KCNB2: variants seen among roughly 807,000 people sequenced by gnomAD.
The protein encoded by KCNB2 is delayed rectifier potassium channel protein.
Under a neutral mutation model 61.5 loss-of-function variants are expected in KCNB2, and 15 were observed. The observed-to-expected ratio is 0.24, with a 90% CI of 0.16 to 0.38. The LOEUF is 0.38. KCNB2 is among the 10% of genes least tolerant of loss of function. KCNB2 has a pLI of 1.00. For synonymous variants in KCNB2, 457 were observed against 446.0 expected, an observed-to-expected ratio of 1.02 and a Z score of -0.31; for missense variants, 828 against 1,125.2, an observed-to-expected ratio of 0.74 and a Z score of 3.78.
intron 2 of KCNB2, among the ~76,000 whole-genome samples, chr8:72,857,387 T>C (rs140265384): frequency 6.6e-6 from 1 of 152,256 alleles, no homozygotes; most frequent in East Asian, 1.9e-4. Flanking sequence ...TAAGATTGCA[T>C]ATAGTTATCT....
chr8:72,643,537 T>C (rs1234694377), intron 2 of KCNB2, among the ~76,000 whole-genome samples: 2 of 152,060 alleles, frequency 1.3e-5, no homozygotes, highest in African/African-American at 2.4e-5. Flanking sequence ...TGGTGTGGAG[T>C]GTGGCCCAGT....
intron 2 of KCNB2, among the ~76,000 whole-genome samples, chr8:72,798,341 A>T (rs571612019): frequency 6.6e-6 from 1 of 152,322 alleles, no homozygotes; most frequent in South Asian, 2.1e-4. Flanking sequence ...TGACACAAGC[A>T]TGAATGCCCT....
At chr8:72,915,000 G>T (rs1806365930) in intron 2 of KCNB2, among the ~76,000 whole-genome samples, 1 of 151,468 alleles carries the variant, frequency 6.6e-6, no homozygotes, top group Non-Finnish European at 1.5e-5. Flanking sequence ...CACCTCCTGT[G>T]TTGAAGTGAT....
Position 72,937,572 on chromosome 8 carries a change from C to A in KCNB2, c.2217C>A (p.Val739=), listed in dbSNP as rs766204832. The stretch of plus-strand genomic sequence containing the variant: ...CCAGCACAGCCAGGCCACTGCCAGT[C>A]ACCACAGCTGACTTTTCGCTCACTA... ...TPPSTARPLP[V]TTADFSLTTP... Residue 739 remains valine (V), a synonymous_variant, in exon 3 of 3, where the codon GTC becomes GTA. Coordinates refer to ENST00000523207, the MANE Select transcript of KCNB2 (RefSeq NM_004770.3). The A allele has an allele frequency of 1.9e-6, 3 of 1,614,066 alleles. No individual in the cohort carries two copies. Among genetic ancestry groups the A allele is most frequent in the Non-Finnish European group, 2.5e-6 (3 of 1,180,010 alleles).
chr8:72,739,962 T>C (rs1242629773), intron 2 of KCNB2, among the ~76,000 whole-genome samples: 3 of 152,314 alleles, frequency 2.0e-5, no homozygotes, highest in South Asian at 4.1e-4. Context: ...ATTGATTTAT[T>C]GGAACAGTAC....
At chr8:72,815,858 G>A (rs1809388276) in intron 2 of KCNB2, among the ~76,000 whole-genome samples, 1 of 152,100 alleles carries the variant, frequency 6.6e-6, no homozygotes, top group Admixed American at 6.6e-5. Context: ...CCCAAAAATT[G>A]AAACCTTACT....
At chr8:72,680,775 C>T (rs911524715) in intron 2 of KCNB2, among the ~76,000 whole-genome samples, 5 of 152,084 alleles carry the variant, frequency 3.3e-5, no homozygotes, top group African/African-American at 4.8e-5. Context: ...AGTAGCATAG[C>T]GAGGCTCTGA....
intron 2 of KCNB2, among the ~76,000 whole-genome samples, chr8:72,811,567 T>G (rs1369819240): frequency 1.3e-5 from 2 of 152,232 alleles, no homozygotes; most frequent in African/African-American, 4.8e-5. Context: ...TTCTATTAAT[T>G]GATGTCTTAC....
At chr8:72,616,445 T>G (rs1805621240) in intron 2 of KCNB2, among the ~76,000 whole-genome samples, 1 of 152,190 alleles carries the variant, frequency 6.6e-6, no homozygotes, top group Non-Finnish European at 1.5e-5. Context: ...ATCACCAAAG[T>G]CAGCCACATC....
At chr8:72,843,625 T>C (rs1809934040) in intron 2 of KCNB2, among the ~76,000 whole-genome samples, 1 of 152,248 alleles carries the variant, frequency 6.6e-6, no homozygotes. Flanking sequence ...TGCTCCTGTA[T>C]TGGGCACATA....
At chr8:72,762,236 G>A (rs898019053) in intron 2 of KCNB2, among the ~76,000 whole-genome samples, 2 of 152,154 alleles carry the variant, frequency 1.3e-5, no homozygotes, top group African/African-American at 4.8e-5. Flanking sequence ...TGATCGATGG[G>A]GGATGTGCTG....
chr8:72,707,242 C>A (rs1301648062), intron 2 of KCNB2, among the ~76,000 whole-genome samples: 1 of 152,116 alleles, frequency 6.6e-6, no homozygotes, highest in Non-Finnish European at 1.5e-5. Flanking sequence ...AAAATAATAA[C>A]CCTCACAGAC....
At position 72,568,096 on chromosome 8, in the gene KCNB2, A is replaced by G. The variant is rs1306405429; in HGVS notation, c.362A>G (p.Gln121Arg). Residue 121 changes from glutamine to arginine, a missense_variant, in exon 2 of 3, where the codon CAA (glutamine) becomes CGA (arginine). Gln to Arg is a conservative substitution (Grantham distance 43, BLOSUM62 1). This residue lies in a region of KCNB2 where 163 missense variants were observed against 314.4 expected (regional missense o/e 0.52). Coordinates refer to ENST00000523207, the MANE Select transcript of KCNB2 (RefSeq NM_004770.3). ...MEEMCALSFG[Q>R]ELDYWGIDEI... ...GAAATGTGTGCACTTTCGTTTGGCC[A>G]AGAACTTGATTACTGGGGGATTGAT... The G allele has an allele frequency of 6.2e-7, 1 of 1,614,170 alleles. No individual in the cohort carries two copies. Among genetic ancestry groups the G allele is most frequent in the South Asian group, 1.1e-5 (1 of 91,078 alleles).
chr8:72,615,742 G>T (rs1220464953), intron 2 of KCNB2, among the ~76,000 whole-genome samples: 1 of 152,150 alleles, frequency 6.6e-6, no homozygotes, highest in Non-Finnish European at 1.5e-5. Flanking sequence ...TTTATAACAA[G>T]TTGAATAGGG....
At chr8:72,738,131 T>C (rs1807881798) in intron 2 of KCNB2, among the ~76,000 whole-genome samples, 2 of 152,156 alleles carry the variant, frequency 1.3e-5, no homozygotes, top group Non-Finnish European at 2.9e-5. Context: ...GGGGTTTGGG[T>C]AGCCAATGCT....
At chr8:72,685,295 G>T (rs1236953206) in intron 2 of KCNB2, among the ~76,000 whole-genome samples, 1 of 151,954 alleles carries the variant, frequency 6.6e-6, no homozygotes, top group African/African-American at 2.4e-5. Context: ...ACAATTTCAG[G>T]GTTTTTTTTC....
At chr8:72,544,863 G>A (rs569781420) in intron 1 of KCNB2, among the ~76,000 whole-genome samples, 1 of 152,248 alleles carries the variant, frequency 6.6e-6, no homozygotes, top group African/African-American at 2.4e-5. Flanking sequence ...TGACATTGTG[G>A]AAGAGAATGA....
chr8:72,692,752 A>G (rs1294349402), intron 2 of KCNB2, among the ~76,000 whole-genome samples: 1 of 149,616 alleles, frequency 6.7e-6, no homozygotes, highest in African/African-American at 2.4e-5. Flanking sequence ...TAAATATTTT[A>G]TTATTCATTA....
rs1365237518 is a variant in KCNB2, at chr8:72,654,333, T to G, written c.579+86020T>G. ...AGTATATCTCAGGCTTCTCAAATTA[T>G]AAGCATTATCTTACATTTTAGCATA... On this transcript the variant is annotated intron_variant, in intron 2 of 2. Coordinates refer to ENST00000523207, the MANE Select transcript of KCNB2 (RefSeq NM_004770.3). 2.0e-5 allele frequency among the ~76,000 whole-genome samples: 3 copies of G among 152,208 alleles called. No homozygotes were observed. The East Asian group carries it at 5.8e-4, about 29-fold the overall frequency.
Sources: allele counts gnomAD v4.1 joint callset (sites outside exome capture counted in the v4.1 genomes callset), GRCh38; gene constraint gnomAD v4.1.1; regional missense constraint gnomAD v4.1.1; transcripts MANE v1.5; gene names NCBI Gene and HGNC (gene_info 2026-07-23, HGNC 2026-07-21).